The following GPAM variants were observed in gnomAD, a reference collection of about 807,000 sequenced individuals.
GPAM encodes glycerol-3-phosphate acyltransferase 1, mitochondrial.
GPAM carries 56 observed loss-of-function variants against 105.0 expected under a neutral mutation model. The observed-to-expected ratio is 0.53, with a 90% CI of 0.43 to 0.67. GPAM has a LOEUF of 0.67. GPAM is among the 30% of genes least tolerant of loss of function. GPAM has a pLI of 0.00. For missense variants in GPAM, 855 were observed against 989.8 expected (o/e 0.86, Z 1.83); for synonymous variants, 368 against 354.4 (o/e 1.04, Z -0.43).
At chr10:112,206,834 A>T (rs866309983) in intron 1 of GPAM, among the ~76,000 whole-genome samples, 1,282 of 100,780 alleles carry the variant, frequency 0.013, 9 homozygotes, top group Non-Finnish European at 0.014. Context: ...AAAAAAATTT[A>T]AAAAAAAAAA....
intron 17 of GPAM, 97 bp from the exon 18 acceptor site, chr10:112,158,490 A>C: frequency 1.3e-6 from 1 of 778,294 alleles, no homozygotes; most frequent in South Asian, 1.4e-5. Context: ...AAAGCCTTCC[A>C]TTCTGTTACC....
chr10:112,202,038 C>T (rs766576427), intron 1 of GPAM, among the ~76,000 whole-genome samples: 15 of 152,182 alleles, frequency 9.9e-5, no homozygotes, highest in Non-Finnish European at 2.2e-4. Flanking sequence ...ATGCAACTTT[C>T]CCAATGTCAC....
intron 17 of GPAM, 57 bp from the exon 18 acceptor site, chr10:112,158,450 A>G (rs1847058378): frequency 9.2e-7 from 1 of 1,082,266 alleles, no homozygotes; most frequent in African/African-American, 1.5e-5. Context: ...CTTTTTTTAA[A>G]CGCAGAAAAC....
At chr10:112,201,240 C>A (rs372475397) in intron 1 of GPAM, among the ~76,000 whole-genome samples, 1 of 152,202 alleles carries the variant, frequency 6.6e-6, no homozygotes, top group Non-Finnish European at 1.5e-5. Context: ...TCAGGACTCA[C>A]GAGGACCCTA....
At chr10:112,155,138 A>G (rs1278838258) in intron 20 of GPAM, 2 of 203,742 alleles carry the variant, frequency 9.8e-6, no homozygotes, top group African/African-American at 4.7e-5. Context: ...TCCCGAGATT[A>G]CCCATTAATT....
At chr10:112,214,888 C>T (rs1166959975) in intron 1 of GPAM, among the ~76,000 whole-genome samples, 4 of 152,264 alleles carry the variant, frequency 2.6e-5, no homozygotes, top group South Asian at 2.1e-4. Context: ...AGCAAAAACT[C>T]GGGAAGGATT....
chr10:112,209,716 C>T (rs754716356), intron 1 of GPAM, among the ~76,000 whole-genome samples: 15 of 152,030 alleles, frequency 9.9e-5, no homozygotes, highest in Non-Finnish European at 1.9e-4. Context: ...GGAATTGACT[C>T]AAAAAAAGAA....
chr10:112,182,620 G>C (rs1269689145), intron 2 of GPAM, among the ~76,000 whole-genome samples, 174 bp downstream of exon 2: 1 of 152,164 alleles, frequency 6.6e-6, no homozygotes, highest in Non-Finnish European at 1.5e-5. Context: ...AATCCTGAAA[G>C]GTCATGTCTA....
chr10:112,175,831 A>T (rs1847394021), intron 5 of GPAM, 118 bp from the exon 6 acceptor site: 1 of 693,988 alleles, frequency 1.4e-6, no homozygotes. Flanking sequence ...TCTGAGATTT[A>T]GGGTTCTCCT....
chr10:112,166,659 A>T (rs10749110), intron 11 of GPAM, 144 bp from the exon 12 acceptor site: 386,674 of 682,710 alleles, frequency 0.57, 110,948 homozygotes, highest in East Asian at 0.62. Context: ...AAAGGAGGTA[A>T]TCATTAACTG....
chr10:112,180,531 A>T lies in GPAM; in HGVS notation c.167T>A (p.Met56Lys), dbSNP rs201091744. 2.5e-6 allele frequency: 4 copies of T among 1,613,242 alleles called. No homozygotes were observed. In the East Asian group the frequency reaches 8.9e-5, roughly 36 times the overall value. The change falls in exon 4 of 22, where the codon ATG becomes AAG. Residue 56 changes from methionine to lysine, a missense_variant. Transcript: ENST00000348367. ...TCCAACAAATGGCCTTTTCCGACTC[A>T]TTAGGCTTTCTTTCCATTTTAAAGT... ...SATLKWKESL[M>K]SRKRPFVGRC...
chr10:112,179,563 A>G (rs1037655217), intron 4 of GPAM, among the ~76,000 whole-genome samples: 1 of 150,860 alleles, frequency 6.6e-6, no homozygotes, highest in Non-Finnish European at 1.5e-5. Context: ...ATTTAACATA[A>G]ACTGCTTGGG....
intron 3 of GPAM, 83 bp downstream of exon 3, chr10:112,181,600 G>T: frequency 1.3e-6 from 1 of 795,566 alleles, no homozygotes; most frequent in Non-Finnish European, 2.3e-6. Flanking sequence ...ATATTATGTT[G>T]CTGCCAGTAT....
chr10:112,226,045 G>A, the GPAM span, among the ~76,000 whole-genome samples: 1 of 152,192 alleles, frequency 6.6e-6, no homozygotes. Context: ...CAACAAGCTT[G>A]TATTGAGCAC....
rs1846910585 is a variant in GPAM at position 112,151,167 on chromosome 10, A to G, written c.*2383T>C. On this transcript the variant is annotated 3_prime_UTR_variant, in exon 22 of 22. Coordinates refer to ENST00000348367, the MANE Select transcript of GPAM (RefSeq NM_001244949.2). ...TCCCCTGAAGAAGGGCATGCATTTC[A>G]TGTTACAGAAATGCGATAGAGTAAA... 1 of 981,766 alleles carries G rather than the reference A, an allele frequency of 1.0e-6. No homozygotes were observed. Among genetic ancestry groups the G allele is most frequent in the Non-Finnish European group, 1.2e-6 (1 of 826,686 alleles). The allele number at this position is 981,766 out of a possible 1,614,324, so 60.8% of individuals were successfully genotyped here.
intron 1 of GPAM, among the ~76,000 whole-genome samples, chr10:112,199,042 C>G (rs985558096): frequency 6.6e-6 from 1 of 151,592 alleles, no homozygotes; most frequent in African/African-American, 2.4e-5. Context: ...CCTGCCTCAG[C>G]CTCCCGAGTA....
chr10:112,150,852 T>C lies in GPAM; in HGVS notation c.*2698A>G. The C allele has an allele frequency of 1.0e-6, 1 of 984,874 alleles. No homozygotes were observed. Among genetic ancestry groups the C allele is most frequent in the South Asian group, 4.7e-5 (1 of 21,280 alleles). 61.0% of individuals were successfully genotyped at this position (984,874 alleles called of 1,614,324 possible). A position where few individuals can be genotyped will look rare whatever the true frequency, so the allele number is the denominator to read the frequency against. On this transcript the variant is annotated 3_prime_UTR_variant, in exon 22 of 22. Transcript: ENST00000348367. ...AAATGCTTTTCCCCATCCAGGTTACTGGCAATTCCACAATTTGGGCTTACA... is the reference window on the plus strand; with the variant it reads ...AAATGCTTTTCCCCATCCAGGTTACCGGCAATTCCACAATTTGGGCTTACA...
intron 7 of GPAM, 141 bp from the exon 8 acceptor site, chr10:112,173,207 C>T (rs571138765): frequency 2.2e-5 from 15 of 686,328 alleles, no homozygotes; most frequent in Admixed American, 6.3e-5. Context: ...AGTGTGTGTG[C>T]ACATGCATGC....
intron 1 of GPAM, among the ~76,000 whole-genome samples, chr10:112,183,410 T>C (rs999799068): frequency 5.9e-5 from 9 of 152,162 alleles, no homozygotes. Flanking sequence ...TGGCGGCGCC[T>C]CCGCGCGTGC....
Sources: allele counts gnomAD v4.1 joint callset (sites outside exome capture counted in the v4.1 genomes callset), GRCh38; gene constraint gnomAD v4.1.1; transcripts MANE v1.5; gene names NCBI Gene and HGNC (gene_info 2026-07-23, HGNC 2026-07-21).